ST8SIA5: variants seen among roughly 807,000 people sequenced by gnomAD.
The protein encoded by ST8SIA5 is alpha-2,8-sialyltransferase 8E.
In ST8SIA5, 24 loss-of-function variants were observed where a neutral mutation model predicts 40.2. The ratio of observed to expected loss-of-function variants is 0.60; its 90% CI spans 0.43 to 0.84. The LOEUF (loss-of-function observed/expected upper bound fraction) is 0.84, where lower values mean the gene tolerates loss of function less well. Ranked by LOEUF, ST8SIA5 falls within the 40% of genes least tolerant of loss-of-function variation. The pLI is 0.00. For missense variants in ST8SIA5, 465 were observed against 498.5 expected (o/e 0.93, Z 0.64); for synonymous variants, 198 against 201.8 (o/e 0.98, Z 0.16).
chr18:46,730,106 C>T, intron 1 of ST8SIA5: 1 of 957,894 alleles, frequency 1.0e-6, no homozygotes, highest in Non-Finnish European at 1.2e-6. Flanking sequence ...CCATCAGTCA[C>T]AAACCTGCAG....
chr18:46,739,623 TG>T (rs1171059480), intron 1 of ST8SIA5, among the ~76,000 whole-genome samples: 1 of 152,208 alleles, frequency 6.6e-6, no homozygotes, highest in Non-Finnish European at 1.5e-5. Flanking sequence ...ATGAGATTTT[TG>T]TTTGGGGAAC....
At chr18:46,753,585 AAAAG>A (rs910643358) in intron 1 of ST8SIA5, among the ~76,000 whole-genome samples, 4 of 151,992 alleles carry the variant, frequency 2.6e-5, no homozygotes, top group African/African-American at 9.7e-5. Flanking sequence ...AAAAAAAAAA[AAAAG>A]AAAGAAAAAG....
chr18:46,724,356 C>A (rs567522901), intron 1 of ST8SIA5, among the ~76,000 whole-genome samples: 2 of 152,368 alleles, frequency 1.3e-5, no homozygotes, highest in East Asian at 3.9e-4. Flanking sequence ...TGTTCTCATA[C>A]TCTCCAGGCT....
At chr18:46,714,565 C>A (rs1293248103) in intron 1 of ST8SIA5, among the ~76,000 whole-genome samples, 1 of 152,142 alleles carries the variant, frequency 6.6e-6, no homozygotes, top group Non-Finnish European at 1.5e-5. Flanking sequence ...GATCCGGCCT[C>A]CTCAGTTTAC....
At chr18:46,709,191 G>C (rs1265440894) in intron 1 of ST8SIA5, among the ~76,000 whole-genome samples, 1 of 152,200 alleles carries the variant, frequency 6.6e-6, no homozygotes, top group Non-Finnish European at 1.5e-5. Context: ...TTAAGAGGCA[G>C]GGCCTTTGGG....
At chr18:46,717,099 C>T (rs2039800047) in intron 1 of ST8SIA5, among the ~76,000 whole-genome samples, 1 of 152,234 alleles carries the variant, frequency 6.6e-6, no homozygotes, top group Non-Finnish European at 1.5e-5. Context: ...CACTGCCCAC[C>T]CTACAGGACA....
intron 1 of ST8SIA5, among the ~76,000 whole-genome samples, chr18:46,747,884 T>C (rs983385317): frequency 6.6e-6 from 1 of 152,216 alleles, no homozygotes; most frequent in African/African-American, 2.4e-5. Flanking sequence ...TGGAATACTA[T>C]GTAGCCATAA....
intron 1 of ST8SIA5, among the ~76,000 whole-genome samples, chr18:46,719,345 A>G (rs2039827662): frequency 6.6e-6 from 1 of 152,162 alleles, no homozygotes; most frequent in African/African-American, 2.4e-5. Context: ...AATAAAGGGC[A>G]AGAGGAGTGA....
chr18:46,686,090 A>T (rs1219136853), intron 5 of ST8SIA5, 84 bp downstream of exon 5: 54 of 1,326,086 alleles, frequency 4.1e-5, no homozygotes, highest in Non-Finnish European at 5.4e-5. Context: ...ACTTGCTTAA[A>T]GGGTAGCATT....
rs973439069 is a variant in ST8SIA5 at position 46,674,872 on chromosome 18, A to T, written c.*5170T>A. 5 of 152,366 alleles carry T rather than the reference A, an allele frequency of 3.3e-5. No homozygotes were observed. The highest frequency in any genetic ancestry group is 3.4e-3 in the Middle Eastern group (1 of 298). The allele number at this position is 152,366 out of a possible 1,614,324, so 9.4% of individuals were successfully genotyped here. On this transcript the variant is annotated 3_prime_UTR_variant, in exon 7 of 7. Coordinates refer to ENST00000315087, the MANE Select transcript of ST8SIA5 (RefSeq NM_013305.6). ...TGTGAGGGCCATTCCAGGTGTTTGA[A>T]CAGAGTGTGCAAAGGTGCCTGGAAT... is the stretch of plus-strand genomic sequence containing the variant.
intron 6 of ST8SIA5, among the ~76,000 whole-genome samples, 189 bp downstream of exon 6, chr18:46,681,783 G>A (rs959750326): frequency 7.2e-5 from 11 of 152,172 alleles, no homozygotes; most frequent in Non-Finnish European, 1.6e-4. Flanking sequence ...TTACTTCAAC[G>A]TGTAATTAAT....
chr18:46,732,305 C>T (rs1443230774), intron 1 of ST8SIA5, among the ~76,000 whole-genome samples: 1 of 152,200 alleles, frequency 6.6e-6, no homozygotes, highest in Admixed American at 6.5e-5. Flanking sequence ...TAGCTCAAGC[C>T]ACCTGGGGGC....
chr18:46,684,932 T>C (rs1446449798), intron 5 of ST8SIA5, among the ~76,000 whole-genome samples: 2 of 152,032 alleles, frequency 1.3e-5, no homozygotes, highest in Non-Finnish European at 1.5e-5. Flanking sequence ...AAGCGGCAGT[T>C]GGCAACGCAG....
At position 46,673,316 on chromosome 18, in the gene ST8SIA5, A is replaced by G. The variant is rs915822191; in HGVS notation, c.*6726T>C. The G allele has an allele frequency of 6.6e-5, 10 of 152,198 alleles. No individual in the cohort carries two copies. Among genetic ancestry groups the G allele is most frequent in the African/African-American group, 2.4e-4 (10 of 41,452 alleles). 9.4% of individuals were successfully genotyped at this position (152,198 alleles called of 1,614,324 possible). On this transcript the variant is annotated 3_prime_UTR_variant, in exon 7 of 7. Coordinates refer to ENST00000315087, the MANE Select transcript of ST8SIA5 (RefSeq NM_013305.6). The stretch of plus-strand genomic sequence containing the variant: ...TAAATGTTAGATTCCCGAGCACTTG[A>G]CTTTTGTTGCTAGGTACATAGTGGG...
Position 46,677,956 on chromosome 18 carries a change from C to T in ST8SIA5, c.*2086G>A, listed in dbSNP as rs542177833. On this transcript the variant is annotated 3_prime_UTR_variant, in exon 7 of 7. Coordinates refer to ENST00000315087, the MANE Select transcript of ST8SIA5 (RefSeq NM_013305.6). ...GTTTCCTAAAGTGGAACAAAATGGT[C>T]TTTAAGAACCTTCTAGTTTTTATAT... 3 of 152,226 alleles carry T rather than the reference C, an allele frequency of 2.0e-5. No individual in the cohort carries two copies. The highest frequency in any genetic ancestry group is 4.4e-5 in the Non-Finnish European group (3 of 68,042). The allele number at this position is 152,226 out of a possible 1,614,324, so 9.4% of individuals were successfully genotyped here.
At chr18:46,743,756 AT>A (rs1391152813) in intron 1 of ST8SIA5, among the ~76,000 whole-genome samples, 1 of 152,188 alleles carries the variant, frequency 6.6e-6, no homozygotes. Context: ...CCCAAGACAC[AT>A]AATTGTCAGA....
chr18:46,729,798 G>A (rs1264514488), intron 1 of ST8SIA5, among the ~76,000 whole-genome samples: 1 of 152,152 alleles, frequency 6.6e-6, no homozygotes. Context: ...TACTGCTGCT[G>A]CCCTCAAGAA....
In ST8SIA5 at chr18:46,756,670, C is replaced by A; in HGVS notation, c.-162G>T. The stretch of plus-strand genomic sequence containing the variant: ...AAGTTTCTGGTTGGCGCGGCCGGAG[C>A]TGGGGGCATCCAAGCGTCGCAGGCG... On this transcript the variant is annotated 5_prime_UTR_variant, in exon 1 of 7. Transcript: ENST00000315087. 2.5e-6 allele frequency: 2 copies of A among 801,250 alleles called. No homozygotes were observed. The highest frequency in any genetic ancestry group is 3.8e-6 in the Non-Finnish European group (2 of 532,530). The allele number at this position is 801,250 out of a possible 1,614,324, so 49.6% of individuals were successfully genotyped here. A position where few individuals can be genotyped will look rare whatever the true frequency, so the allele number is the denominator to read the frequency against.
intron 1 of ST8SIA5, among the ~76,000 whole-genome samples, chr18:46,753,271 GGAACAAAACA>G (rs1289667911): frequency 6.6e-6 from 1 of 152,132 alleles, no homozygotes; most frequent in African/African-American, 2.4e-5. Flanking sequence ...AGTGCAGCTG[GGAACAAAACA>G]GAGCAAATTG....
Sources: gnomAD v4.1 joint callset for allele counts (sites outside exome capture counted in the v4.1 genomes callset) on GRCh38, gnomAD v4.1.1 for gene constraint, MANE v1.5 for transcripts, NCBI Gene and HGNC (gene_info 2026-07-23, HGNC 2026-07-21) for gene names.